The following FCN2 variants were observed in gnomAD, a reference collection of about 807,000 sequenced individuals.
FCN2 encodes ficolin 2.
FCN2 carries 31 observed loss-of-function variants against 32.5 expected under a neutral mutation model. The ratio of observed to expected loss-of-function variants is 0.96; its 90% CI spans 0.72 to 1.29. FCN2 has a LOEUF of 1.29. Ranked by LOEUF, FCN2 falls within the 50% of genes most tolerant of loss-of-function variation. The pLI, the probability that FCN2 is intolerant of heterozygous loss-of-function variation, is 0.00. For missense variants in FCN2, 412 were observed against 406.5 expected (o/e 1.01, Z -0.12); for synonymous variants, 181 against 164.5 (o/e 1.10, Z -0.77).
chr9:134,880,670 C>T (rs1830648772), upstream of FCN2: 4 of 698,346 alleles, frequency 5.7e-6, no homozygotes, highest in Admixed American at 4.1e-5. Flanking sequence ...GGGAGCAGCC[C>T]TGGAGATGAT....
chr9:134,864,466 A>T, the FCN2 span, among the ~76,000 whole-genome samples: 4 of 152,070 alleles, frequency 2.6e-5, no homozygotes, highest in African/African-American at 9.7e-5. Flanking sequence ...TTCGGGAGGG[A>T]GTGGCCATCC....
chr9:134,885,908 T>G lies in FCN2; in HGVS notation c.559+11T>G. ...CCCTGACCGCCCAGGGTAGGGCCGC[T>G]GCTGGGGCTTGGGGGTCGGGGGCCC... On this transcript the variant is annotated intron_variant, in intron 6 of 7. Transcript: ENST00000291744. 6.2e-7 allele frequency: 1 copy of G among 1,604,778 alleles called. No homozygotes were observed. The highest frequency in any genetic ancestry group is 1.3e-5 in the African/African-American group (1 of 74,886).
At position 134,887,357 on chromosome 9, in the gene FCN2, C is replaced by G. The variant is rs117435384; in HGVS notation, c.884C>G (p.Ser295Trp). Residue 295 changes from serine (S) to tryptophan (W), a missense_variant, in exon 8 of 8, where the codon TCG becomes TGG. Ser to Trp is a radical substitution (Grantham distance 177, BLOSUM62 -3). Transcript: ENST00000291744. ...TTTGCAAATGGCATCAACTGGAAGT[C>G]GGGGAAAGGATACAATTATAGCTAC... ...GSFANGINWK[S>W]GKGYNYSYKV... 1.2e-6 allele frequency: 2 copies of G among 1,614,080 alleles called. No homozygotes were observed. The highest frequency in any genetic ancestry group is 1.7e-6 in the Non-Finnish European group (2 of 1,179,996).
At chr9:134,885,466 G>T (rs1830735396) in intron 5 of FCN2, 100 bp downstream of exon 5, 2 of 1,527,532 alleles carry the variant, frequency 1.3e-6, no homozygotes, top group African/African-American at 1.4e-5. Flanking sequence ...TATTCTCCTG[G>T]TCGGGGACAG....
intron 2 of FCN2, among the ~76,000 whole-genome samples, chr9:134,882,950 C>T (rs775846919): frequency 1.3e-5 from 2 of 152,354 alleles, no homozygotes; most frequent in Middle Eastern, 3.4e-3. Context: ...CACCTCAACA[C>T]GGAGGCCATG....
chr9:134,880,711 G>T (rs547892439), upstream of FCN2: 7 of 862,496 alleles, frequency 8.1e-6, no homozygotes, highest in East Asian at 2.6e-5. Context: ...CACCAAGCCC[G>T]CGGAGAGGAA....
At position 134,885,364 on chromosome 9, in the gene FCN2, A is replaced by G; in HGVS notation, c.427A>G (p.Thr143Ala). 6.2e-7 allele frequency: 1 copy of G among 1,613,462 alleles called. No individual in the cohort carries two copies. Among genetic ancestry groups the G allele is most frequent in the Non-Finnish European group, 8.5e-7 (1 of 1,179,802 alleles). ...CATGGACACGGACGGAGGGGGCTGG[A>G]CCGTGAGTGTGGGGCTGGGCAGAGG... ...CDMDTDGGGW[T>A]VFQRRVDGSV... The change falls in exon 5 of 8, where the codon ACC becomes GCC. Residue 143 changes from threonine to alanine, a missense_variant and splice_region_variant. Thr to Ala is a moderately conservative substitution (Grantham distance 58, BLOSUM62 0). Transcript: ENST00000291744.
the FCN2 span, among the ~76,000 whole-genome samples, chr9:134,874,812 A>G: frequency 6.6e-6 from 1 of 152,214 alleles, no homozygotes; most frequent in Non-Finnish European, 1.5e-5. Flanking sequence ...GCAGCTTAAC[A>G]TTATTGAATA....
At chr9:134,882,275 G>A (rs1397290732) in intron 1 of FCN2, among the ~76,000 whole-genome samples, 1 of 152,168 alleles carries the variant, frequency 6.6e-6, no homozygotes, top group Non-Finnish European at 1.5e-5. Context: ...CCAAGGCCAG[G>A]GTTCTGCCCC....
chr9:134,866,039 A>G, the FCN2 span, among the ~76,000 whole-genome samples: 8,060 of 151,494 alleles, frequency 0.053, 252 homozygotes, highest in African/African-American at 0.09. Context: ...GGAAGAATCA[A>G]TATTGTGAAA....
chr9:134,872,575 C>T, the FCN2 span, among the ~76,000 whole-genome samples: 6 of 152,164 alleles, frequency 3.9e-5, no homozygotes, highest in Admixed American at 2.6e-4. Context: ...GGAGGCCTCA[C>T]CATCATCGCA....
chr9:134,870,989 C>A, the FCN2 span, among the ~76,000 whole-genome samples: 823 of 152,316 alleles, frequency 5.4e-3, 27 homozygotes, highest in East Asian at 0.1. The surrounding 1 kb of genome is among the most constrained non-coding windows in gnomAD (Gnocchi z 4.3). Context: ...AGTCAGGCGA[C>A]CTCGTTGCCA....
intron 5 of FCN2, 136 bp downstream of exon 5, chr9:134,885,502 G>C: frequency 7.0e-7 from 1 of 1,434,674 alleles, no homozygotes; most frequent in South Asian, 1.3e-5. Context: ...GAGATGACCG[G>C]TGGGTAAAAG....
In FCN2 at chr9:134,885,905, C is replaced by T. The variant is rs769632357; in HGVS notation, c.559+8C>T. On this transcript the variant is annotated splice_region_variant and intron_variant, in intron 6 of 7. Transcript: ENST00000291744. ...ACGCCCTGACCGCCCAGGGTAGGGC[C>T]GCTGCTGGGGCTTGGGGGTCGGGGG... 2.4e-5 allele frequency: 39 copies of T among 1,607,632 alleles called. No individual in the cohort carries two copies. Among genetic ancestry groups the T allele is most frequent in the South Asian group, 8.9e-5 (8 of 90,014 alleles).
intron 2 of FCN2, 96 bp from the exon 3 acceptor site, chr9:134,883,206 G>C: frequency 9.7e-7 from 1 of 1,034,726 alleles, no homozygotes; most frequent in South Asian, 1.3e-5. Flanking sequence ...GCAGGGTCAT[G>C]GTCATGATTG....
intron 1 of FCN2, among the ~76,000 whole-genome samples, chr9:134,881,196 C>G (rs1188704250): frequency 6.6e-6 from 1 of 152,172 alleles, no homozygotes; most frequent in Non-Finnish European, 1.5e-5. Flanking sequence ...CCCCTCTAAG[C>G]GTAAAAAGCG....
At chr9:134,878,495 T>C (rs547363473), upstream of FCN2, among the ~76,000 whole-genome samples, 3 of 152,356 alleles carry the variant, frequency 2.0e-5, no homozygotes, top group African/African-American at 7.2e-5. Flanking sequence ...ACTTTTCAGG[T>C]CTTCCTTTGC....
At chr9:134,869,811 G>A in the FCN2 span, among the ~76,000 whole-genome samples, 3 of 152,232 alleles carry the variant, frequency 2.0e-5, no homozygotes, top group Non-Finnish European at 4.4e-5. Context: ...CTGCCCTCAG[G>A]TGCTCCTGAT....
At chr9:134,879,278 G>A (rs1313055666), upstream of FCN2, among the ~76,000 whole-genome samples, 2 of 152,124 alleles carry the variant, frequency 1.3e-5, no homozygotes, top group Non-Finnish European at 2.9e-5. Context: ...ATTATTGCAA[G>A]TACTTTAAAT....
Sources: allele counts gnomAD v4.1 joint callset (sites outside exome capture counted in the v4.1 genomes callset), GRCh38; gene constraint gnomAD v4.1.1; non-coding constraint Gnocchi (gnomAD v3.1); transcripts MANE v1.5; gene names NCBI Gene and HGNC (gene_info 2026-07-23, HGNC 2026-07-21).